RDX: variants seen among roughly 807,000 people sequenced by gnomAD.
RDX encodes radixin.
RDX carries 32 observed loss-of-function variants against 83.7 expected under a neutral mutation model. The ratio of observed to expected loss-of-function variants is 0.38; its 90% confidence interval spans 0.29 to 0.51. The LOEUF is 0.51. RDX is among the 20% of genes least tolerant of loss of function. The pLI, the probability that RDX is intolerant of heterozygous loss-of-function variation, is 0.87. For missense variants in RDX, 600 were observed against 689.9 expected (o/e 0.87, Z 1.46); for synonymous variants, 229 against 222.7 (o/e 1.03, Z -0.25).
chr11:110,218,922 C>T (rs1864151801), intron 14 of RDX, among the ~76,000 whole-genome samples: 1 of 152,126 alleles, frequency 6.6e-6, no homozygotes, highest in Admixed American at 6.5e-5. Context: ...GCATTCCAGG[C>T]ACTGCTCTAG....
chr11:110,251,442 A>G (rs1859336944), intron 9 of RDX, among the ~76,000 whole-genome samples: 1 of 152,194 alleles, frequency 6.6e-6, no homozygotes, highest in Non-Finnish European at 1.5e-5. Context: ...ATTTCTTACA[A>G]AAACGCTTGA....
At chr11:110,253,163 G>A (rs533953160) in intron 9 of RDX, among the ~76,000 whole-genome samples, 1 of 152,204 alleles carries the variant, frequency 6.6e-6, no homozygotes, top group Non-Finnish European at 1.5e-5. Flanking sequence ...CTAGCAGATG[G>A]CTTCCTTCTA....
chr11:110,264,852 C>T lies in RDX; in HGVS notation c.119G>A (p.Arg40His), dbSNP rs771175890. ...FDQVVKTVGLREVWFFGLQYV... is the reference protein window; with the variant it reads ...FDQVVKTVGLHEVWFFGLQYV... ...CTGCAGCCCAAAAAACCAGACCTCA[C>T]GCAAACCAACTGTTTTCACCACCTA... Residue 40 changes from arginine to histidine, a missense_variant, in exon 4 of 14, where the codon CGT becomes CAT. By Grantham distance (29) the Arg-to-His change is conservative. Transcript: ENST00000645495. The T allele has an allele frequency of 2.9e-5, 47 of 1,613,778 alleles. No homozygotes were observed. Among genetic ancestry groups the T allele is most frequent in the Non-Finnish European group, 3.5e-5 (41 of 1,179,888 alleles).
intron 14 of RDX, among the ~76,000 whole-genome samples, chr11:110,211,673 A>C (rs1263961446): frequency 7.0e-6 from 1 of 143,850 alleles, no homozygotes; most frequent in African/African-American, 2.6e-5. Flanking sequence ...ACTCAGGATT[A>C]AGAATCTCAC....
In RDX at chr11:110,236,134, T is replaced by G; in HGVS notation, c.1309A>C (p.Lys437Gln). 1 of 1,612,288 alleles carries G rather than the reference T, an allele frequency of 6.2e-7. No homozygotes were observed. Among genetic ancestry groups the G allele is most frequent in the East Asian group, 2.2e-5 (1 of 44,840 alleles). ...KIALLEEAKKKKEEEATEWQH... is the reference protein window; with the variant it reads ...KIALLEEAKKQKEEEATEWQH... ...CACTCAGTAGCTTCCTCTTCCTTTT[T>G]CTTCTTGGCTTCCTCTAGAAGTGCA... The change falls in exon 12 of 14, where the codon AAA becomes CAA. Residue 437 changes from lysine to glutamine, a missense_variant. Physicochemically the swap from Lys to Gln is moderately conservative, Grantham distance 53 (BLOSUM62 1). Coordinates refer to ENST00000645495, the MANE Select transcript of RDX (RefSeq NM_002906.4).
At chr11:110,265,591 G>C (rs1324141115) in intron 3 of RDX, among the ~76,000 whole-genome samples, 1 of 151,800 alleles carries the variant, frequency 6.6e-6, no homozygotes, top group Non-Finnish European at 1.5e-5. Context: ...TAGGGCAAAT[G>C]GTATCATTTT....
intron 9 of RDX, among the ~76,000 whole-genome samples, chr11:110,251,535 C>G (rs1859341501): frequency 6.6e-6 from 1 of 152,102 alleles, no homozygotes; most frequent in Admixed American, 6.6e-5. Flanking sequence ...GAAGAGGAGT[C>G]AAGCCCAGAT....
At chr11:110,224,215 AT>A (rs1307336851) in intron 14 of RDX, among the ~76,000 whole-genome samples, 4 of 150,638 alleles carry the variant, frequency 2.7e-5, no homozygotes, top group African/African-American at 9.9e-5. Context: ...GTTTATATAT[AT>A]ATATTAAAAA....
chr11:110,213,293 G>C (rs1863908209), intron 14 of RDX, among the ~76,000 whole-genome samples: 1 of 124,280 alleles, frequency 8.0e-6, no homozygotes, highest in East Asian at 2.5e-4. Flanking sequence ...GGATGTGAAG[G>C]ACCTCTTCAA....
At chr11:110,197,858 G>C (rs189532390) in intron 15 of RDX, among the ~76,000 whole-genome samples, 1 of 152,284 alleles carries the variant, frequency 6.6e-6, no homozygotes, top group South Asian at 2.1e-4. Flanking sequence ...AGCTAGACCC[G>C]TTTCAAAGAG....
chr11:110,179,477 C>A (rs1862838294), intron 15 of RDX, among the ~76,000 whole-genome samples: 1 of 152,184 alleles, frequency 6.6e-6, no homozygotes, highest in Non-Finnish European at 1.5e-5. Context: ...TCAGAATATT[C>A]TCTTAAATAT....
intron 15 of RDX, among the ~76,000 whole-genome samples, chr11:110,197,832 G>A (rs532672114): frequency 6.6e-6 from 1 of 152,276 alleles, no homozygotes; most frequent in South Asian, 2.1e-4. Context: ...TCAGAAATAA[G>A]ACCAGCTGGA....
intron 3 of RDX, among the ~76,000 whole-genome samples, chr11:110,271,150 T>C (rs1565326985): frequency 6.6e-6 from 1 of 152,224 alleles, no homozygotes; most frequent in East Asian, 1.9e-4. Flanking sequence ...TCAGGACTTT[T>C]AAATTTATGA....
chr11:110,236,942 G>A (rs1222847217), intron 11 of RDX, among the ~76,000 whole-genome samples: 2 of 152,024 alleles, frequency 1.3e-5, no homozygotes, highest in Non-Finnish European at 2.9e-5. Flanking sequence ...TTCAAAGGGA[G>A]GGAACTGAGG....
intron 15 of RDX, among the ~76,000 whole-genome samples, chr11:110,183,800 GCCA>G (rs1036301111): frequency 2.0e-5 from 3 of 152,214 alleles, no homozygotes; most frequent in African/African-American, 7.2e-5. Context: ...CTGGCTTTAG[GCCA>G]CCATGATTGT....
rs952461517 is a variant in RDX, at chr11:110,191,931, G to A, written c.*31+7650C>T. ...AACATTCCATGCTTATGGATAGGAA[G>A]AATCAATATTATTAAAATGGCCATA... is the stretch of plus-strand genomic sequence containing the variant. On this transcript the variant is annotated intron_variant, in intron 15 of 15. Transcript: ENST00000528498. Among the ~76,000 whole-genome samples, 3 of 152,206 alleles carry A rather than the reference G, an allele frequency of 2.0e-5. No homozygotes were observed. The East Asian group carries it at 5.8e-4, about 29-fold the overall frequency.
intron 5 of RDX, among the ~76,000 whole-genome samples, chr11:110,259,081 C>T (rs1429438761): frequency 6.6e-6 from 1 of 152,028 alleles, no homozygotes; most frequent in Non-Finnish European, 1.5e-5. Flanking sequence ...TAATGCCTGG[C>T]TAATTTTTCT....
intron 1 of RDX, among the ~76,000 whole-genome samples, chr11:110,291,201 T>G (rs1187879968): frequency 6.6e-6 from 1 of 152,070 alleles, no homozygotes; most frequent in Non-Finnish European, 1.5e-5. Flanking sequence ...GGTGTGCACA[T>G]GTAGTCTTAG....
chr11:110,257,707 G>A, intron 7 of RDX, 60 bp downstream of exon 7: 2 of 1,557,428 alleles, frequency 1.3e-6, no homozygotes, highest in Non-Finnish European at 1.8e-6. Context: ...CAGGACATAA[G>A]ATTAACGTCA....
Sources: gnomAD v4.1 joint callset for allele counts (sites outside exome capture counted in the v4.1 genomes callset) on GRCh38, gnomAD v4.1.1 for gene constraint, MANE v1.5 for transcripts, NCBI Gene and HGNC (gene_info 2026-07-23, HGNC 2026-07-21) for gene names.